SNAP23: variants seen among roughly 807,000 people sequenced by gnomAD.
SNAP23 encodes synaptosome associated protein 23.
SNAP23 carries 11 observed loss-of-function variants against 29.0 expected under a neutral mutation model. The observed-to-expected ratio is 0.38, with a 90% CI of 0.24 to 0.63. The LOEUF (loss-of-function observed/expected upper bound fraction) is 0.63, where lower values mean the gene tolerates loss of function less well. Among genes scored for constraint, SNAP23 ranks in the 20% least tolerant of loss-of-function variants. The pLI is 0.58. For missense variants in SNAP23, 220 were observed against 253.9 expected (o/e 0.87, Z 0.91); for synonymous variants, 60 against 82.9 (o/e 0.72, Z 1.50).
intron 2 of SNAP23, chr15:42,512,114 G>A (rs2057362074): frequency 3.1e-6 from 1 of 320,264 alleles, no homozygotes; most frequent in East Asian, 5.0e-5. Flanking sequence ...TTATTTTTTA[G>A]GTAATTATTA....
At chr15:42,520,639 C>T (rs1164666653) in intron 5 of SNAP23, among the ~76,000 whole-genome samples, 23 of 152,050 alleles carry the variant, frequency 1.5e-4, no homozygotes, top group Admixed American at 7.9e-4. Context: ...GGACTACAGG[C>T]GCCCGCCACC....
At chr15:42,526,118 A>C (rs1316988766) in intron 5 of SNAP23, among the ~76,000 whole-genome samples, 1 of 152,194 alleles carries the variant, frequency 6.6e-6, no homozygotes, top group East Asian at 1.9e-4. Flanking sequence ...CCGAAATTCT[A>C]ATAAAAGCCC....
chr15:42,515,319 C>G lies in SNAP23; in HGVS notation c.231C>G (p.Asn77Lys). The change falls in exon 5 of 8, where the codon AAC becomes AAG. Residue 77 changes from asparagine (N) to lysine (K), a missense_variant. Asn to Lys is a moderately conservative substitution (Grantham distance 94, BLOSUM62 0). Coordinates refer to ENST00000249647, the MANE Select transcript of SNAP23 (RefSeq NM_003825.4). ...CAGAGAAGACTTTAACAGAACTCAA[C>G]AAATGCTGTGGCCTTTGTGTCTGCC... is the stretch of plus-strand genomic sequence containing the variant. ...RETEKTLTEL[N>K]KCCGLCVCPC... 1 of 1,611,866 alleles carries G rather than the reference C, an allele frequency of 6.2e-7. No homozygotes were observed. The highest frequency in any genetic ancestry group is 8.5e-7 in the Non-Finnish European group (1 of 1,178,656).
At chr15:42,499,633 T>G (rs1255435475) in intron 1 of SNAP23, among the ~76,000 whole-genome samples, 1 of 152,244 alleles carries the variant, frequency 6.6e-6, no homozygotes, top group African/African-American at 2.4e-5. Flanking sequence ...GCATCCATTA[T>G]AATAAATACA....
intron 5 of SNAP23, chr15:42,521,673 GT>G (rs1567047410): frequency 7.6e-7 from 1 of 1,316,038 alleles, no homozygotes; most frequent in Admixed American, 2.0e-5. Context: ...ATGCAGTCTT[GT>G]GGCGCAGTTT....
At chr15:42,500,500 TGCCTCA>T (rs956214562) in intron 1 of SNAP23, among the ~76,000 whole-genome samples, 24 of 151,826 alleles carry the variant, frequency 1.6e-4, no homozygotes, top group Non-Finnish European at 2.4e-4. Flanking sequence ...GTGATTCTCC[TGCCTCA>T]GCCTCCTGAG....
At chr15:42,521,753 GA>G in intron 5 of SNAP23, 1 of 665,306 alleles carries the variant, frequency 1.5e-6, no homozygotes, top group Non-Finnish European at 2.7e-6. Context: ...TGGATTTTGT[GA>G]ATGGTGAAAA....
Position 42,511,819 on chromosome 15 carries a change from TCTGTG to T in SNAP23, c.-14-12_-14-8del. 1 of 1,514,542 alleles carries T rather than the reference TCTGTG, an allele frequency of 6.6e-7. No individual in the cohort carries two copies. The allele number at this position is 1,514,542 out of a possible 1,614,324, so 93.8% of individuals were successfully genotyped here. A position where few individuals can be genotyped will look rare whatever the true frequency, so the allele number is the denominator to read the frequency against. On this transcript the variant is annotated splice_polypyrimidine_tract_variant and intron_variant, in intron 1 of 7. Transcript: ENST00000249647. ...CTTATACAATATCCACATTTCCATT[TCTGTG>T]CCTAATAGAGTTTTGATTCATCATG...
intron 5 of SNAP23, among the ~76,000 whole-genome samples, chr15:42,517,427 G>A (rs1035342143): frequency 8.5e-5 from 13 of 152,150 alleles, no homozygotes; most frequent in African/African-American, 3.1e-4. Flanking sequence ...TCAGATGTTA[G>A]GAGAACAAGG....
At position 42,528,372 on chromosome 15, in the gene SNAP23, AGCTTC is replaced by A; in HGVS notation, c.378_382del (p.Leu127AlafsTer13). ...CAGCCAGGCCCGGTGACAAATGGTC[AGCTTC>A]AGCAACCAACAACGGGAGCAGCCAG... On this transcript the variant is annotated frameshift_variant, in exon 6 of 8. Transcript: ENST00000249647. LOFTEE classifies it high-confidence loss of function. 6 of 1,614,180 alleles carry A rather than the reference AGCTTC, an allele frequency of 3.7e-6. No individual in the cohort carries two copies. Among genetic ancestry groups the A allele is most frequent in the Non-Finnish European group, 5.1e-6 (6 of 1,180,018 alleles).
chr15:42,520,644 G>T (rs969800875), intron 5 of SNAP23, among the ~76,000 whole-genome samples: 1 of 151,888 alleles, frequency 6.6e-6, no homozygotes, highest in Non-Finnish European at 1.5e-5. Context: ...ACAGGCGCCC[G>T]CCACCACACC....
intron 5 of SNAP23, among the ~76,000 whole-genome samples, chr15:42,515,883 T>C (rs1339428998): frequency 6.6e-6 from 1 of 152,172 alleles, no homozygotes; most frequent in Non-Finnish European, 1.5e-5. Flanking sequence ...GGAGAGCATC[T>C]TATAGAAGAG....
chr15:42,505,831 C>G (rs2057312612), intron 1 of SNAP23: 1 of 151,918 alleles, frequency 6.6e-6, no homozygotes, highest in South Asian at 2.1e-4. Context: ...GCTGGGATTA[C>G]AGGCGTGAGC....
intron 1 of SNAP23, among the ~76,000 whole-genome samples, chr15:42,500,373 T>C (rs1323814254): frequency 6.6e-6 from 1 of 151,582 alleles, no homozygotes; most frequent in Non-Finnish European, 1.5e-5. Flanking sequence ...TGACAAGGAC[T>C]GCTCTTTTCT....
At chr15:42,507,327 A>C (rs536652834) in intron 1 of SNAP23, among the ~76,000 whole-genome samples, 1 of 152,326 alleles carries the variant, frequency 6.6e-6, no homozygotes, top group East Asian at 1.9e-4. Context: ...GTACTCAGTG[A>C]ACTTTTCTTT....
At chr15:42,526,070 T>C (rs770525806) in intron 5 of SNAP23, among the ~76,000 whole-genome samples, 92 of 152,176 alleles carry the variant, frequency 6.0e-4, no homozygotes, top group Non-Finnish European at 1.2e-3. Flanking sequence ...TTAGTTACTT[T>C]GGAATTTCAA....
chr15:42,496,738 G>T (rs1181156390), intron 1 of SNAP23, among the ~76,000 whole-genome samples: 1 of 151,930 alleles, frequency 6.6e-6, no homozygotes, highest in Non-Finnish European at 1.5e-5. Flanking sequence ...AAAAGCAAAA[G>T]AAATACTCGA....
At chr15:42,530,582 T>C (rs546114007) in intron 7 of SNAP23, among the ~76,000 whole-genome samples, 1 of 152,120 alleles carries the variant, frequency 6.6e-6, no homozygotes, top group African/African-American at 2.4e-5. Context: ...ACCTCGACTC[T>C]ACTAAAAAAA....
intron 1 of SNAP23, among the ~76,000 whole-genome samples, chr15:42,508,635 C>G (rs183857768): frequency 1.3e-5 from 2 of 152,132 alleles, no homozygotes; most frequent in Non-Finnish European, 2.9e-5. Context: ...TGATTCCTCA[C>G]GTTATCCATC....
Sources: allele counts gnomAD v4.1 joint callset (sites outside exome capture counted in the v4.1 genomes callset), GRCh38; gene constraint gnomAD v4.1.1; transcripts MANE v1.5; gene names NCBI Gene and HGNC (gene_info 2026-07-23, HGNC 2026-07-21).